Variants in C1GALT1 observed in about 807,000 individuals in gnomAD.
C1GALT1 encodes the protein core 1 synthase, glycoprotein-N-acetylgalactosamine 3-beta-galactosyltransferase 1.
Under a neutral mutation model 31.0 loss-of-function variants are expected in C1GALT1, and 11 were observed. The ratio of observed to expected loss-of-function variants is 0.36; its 90% CI spans 0.22 to 0.59. C1GALT1 has a LOEUF of 0.59. C1GALT1 is among the 20% of genes least tolerant of loss of function. C1GALT1 has a pLI of 0.79. For synonymous variants in C1GALT1, 175 were observed against 143.6 expected (o/e 1.22, Z -1.56); for missense variants, 424 against 425.2 (o/e 1.00, Z 0.03).
At chr7:7,243,106 T>C (rs775951466) in intron 3 of C1GALT1, among the ~76,000 whole-genome samples, 8 of 152,078 alleles carry the variant, frequency 5.3e-5, no homozygotes, top group African/African-American at 7.2e-5. Flanking sequence ...TTTGTAGTCA[T>C]TGAATGCCCT....
At chr7:7,208,804 G>A (rs964706935) in intron 1 of C1GALT1, among the ~76,000 whole-genome samples, 2 of 152,328 alleles carry the variant, frequency 1.3e-5, no homozygotes, top group East Asian at 1.9e-4. Context: ...CCACAAACAC[G>A]TGCACAGTTG....
chr7:7,216,436 C>T (rs77666843), intron 1 of C1GALT1, among the ~76,000 whole-genome samples: 6,215 of 152,108 alleles, frequency 0.041, 283 homozygotes, highest in African/African-American at 0.12. Context: ...TTAGCTTATC[C>T]GCCTTGTGTG....
chr7:7,241,424 C>T (rs7798513), intron 3 of C1GALT1, among the ~76,000 whole-genome samples: 32 of 152,046 alleles, frequency 2.1e-4, no homozygotes, highest in African/African-American at 7.5e-4. Flanking sequence ...TGTAGCTTTA[C>T]AGCAGTTTTA....
chr7:7,186,367 G>A (rs540529243), intron 1 of C1GALT1, among the ~76,000 whole-genome samples: 16 of 152,266 alleles, frequency 1.1e-4, no homozygotes, highest in African/African-American at 3.9e-4. Flanking sequence ...ACAGTGGATA[G>A]GCAAAAATCT....
At chr7:7,220,705 A>G (rs1426150189) in intron 1 of C1GALT1, among the ~76,000 whole-genome samples, 2 of 151,970 alleles carry the variant, frequency 1.3e-5, no homozygotes, top group Non-Finnish European at 2.9e-5. Context: ...TATTTTTAGT[A>G]GAGATGGGGT....
rs1301880765 is a variant in C1GALT1 at position 7,247,573 on chromosome 7, C to G, written c.*3846C>G. ...TTTCTTGAATATTAATTTTTCACTT[C>G]TTTGAGACTGTCAAACTATAGTTAC... On this transcript the variant is annotated 3_prime_UTR_variant, in exon 4 of 4. Coordinates refer to ENST00000436587, the MANE Select transcript of C1GALT1 (RefSeq NM_020156.5). The G allele has an allele frequency of 2.6e-5, 4 of 152,042 alleles. No homozygotes were observed. Among genetic ancestry groups the G allele is most frequent in the Non-Finnish European group, 5.9e-5 (4 of 67,916 alleles). The allele number at this position is 152,042 out of a possible 1,614,324, so 9.4% of individuals were successfully genotyped here. A position where few individuals can be genotyped will look rare whatever the true frequency, so the allele number is the denominator to read the frequency against.
At chr7:7,204,753 C>T (rs888210437) in intron 1 of C1GALT1, among the ~76,000 whole-genome samples, 2 of 152,016 alleles carry the variant, frequency 1.3e-5, no homozygotes, top group East Asian at 1.9e-4. Context: ...TTGTGTTTTT[C>T]GTTTGTCTCT....
chr7:7,205,978 A>G (rs145872772), intron 1 of C1GALT1, among the ~76,000 whole-genome samples: 291 of 152,142 alleles, frequency 1.9e-3, no homozygotes, highest in African/African-American at 6.7e-3. Context: ...TATTTCCTGC[A>G]TTACTGTCTC....
intron 1 of C1GALT1, among the ~76,000 whole-genome samples, chr7:7,194,722 T>C (rs1023264285): frequency 1.3e-5 from 2 of 152,168 alleles, no homozygotes; most frequent in Non-Finnish European, 2.9e-5. Context: ...TCTTTCTCTG[T>C]ATTGTGGGAT....
chr7:7,241,764 G>A (rs1468631628), intron 3 of C1GALT1, among the ~76,000 whole-genome samples: 1 of 151,842 alleles, frequency 6.6e-6, no homozygotes, highest in East Asian at 1.9e-4. Context: ...CTTCACTTGA[G>A]ATTCTTGAGT....
intron 1 of C1GALT1, chr7:7,183,634 C>T: frequency 1.0e-6 from 1 of 979,628 alleles, no homozygotes; most frequent in Non-Finnish European, 1.2e-6. Context: ...TAATTTAGCG[C>T]TGTGGATTTA....
At position 7,245,243 on chromosome 7, in the gene C1GALT1, T is replaced by C. The variant is rs994380754; in HGVS notation, c.*1516T>C. 2 of 152,248 alleles carry C rather than the reference T, an allele frequency of 1.3e-5. No individual in the cohort carries two copies. The highest frequency in any genetic ancestry group is 4.8e-5 in the African/African-American group (2 of 41,474). The allele number at this position is 152,248 out of a possible 1,614,324, so 9.4% of individuals were successfully genotyped here. On this transcript the variant is annotated 3_prime_UTR_variant, in exon 4 of 4. Coordinates refer to ENST00000436587, the MANE Select transcript of C1GALT1 (RefSeq NM_020156.5). ...CTAAGTAATTTCTTTTTTCGGAGAC[T>C]GTCTCACTCTGTCTCCCAGGCTGGA... is the stretch of plus-strand genomic sequence containing the variant.
intron 1 of C1GALT1, among the ~76,000 whole-genome samples, chr7:7,191,081 A>G (rs6972192): frequency 0.16 from 23,826 of 151,982 alleles, 2,172 homozygotes; most frequent in East Asian, 0.37. Flanking sequence ...ACCGCTGTTT[A>G]TCTCCAGAAC....
intron 2 of C1GALT1, among the ~76,000 whole-genome samples, chr7:7,167,192 C>G (rs932603697): frequency 1.3e-5 from 2 of 152,138 alleles, no homozygotes; most frequent in Non-Finnish European, 2.9e-5. Context: ...TTTTCAGATC[C>G]CTACTGGCTA....
chr7:7,217,719 G>A (rs1386548660), intron 1 of C1GALT1, among the ~76,000 whole-genome samples: 1 of 152,124 alleles, frequency 6.6e-6, no homozygotes, highest in African/African-American at 2.4e-5. Flanking sequence ...TGTTGCCCAG[G>A]CTGGAGTACA....
At chr7:7,217,265 A>G (rs1473304922) in intron 1 of C1GALT1, among the ~76,000 whole-genome samples, 2 of 152,152 alleles carry the variant, frequency 1.3e-5, no homozygotes, top group African/African-American at 4.8e-5. Context: ...GGCCAGAAAG[A>G]AGAAAGAAGG....
intron 1 of C1GALT1, among the ~76,000 whole-genome samples, chr7:7,233,494 A>G (rs916559625): frequency 6.6e-6 from 1 of 152,174 alleles, no homozygotes; most frequent in African/African-American, 2.4e-5. Context: ...GCTGGTCTCA[A>G]GCTCCTGACT....
chr7:7,197,564 T>G (rs1265930934), intron 1 of C1GALT1, among the ~76,000 whole-genome samples: 1 of 152,220 alleles, frequency 6.6e-6, no homozygotes, highest in East Asian at 1.9e-4. Context: ...AGTAGCTTTT[T>G]CCAATTCTGT....
chr7:7,197,067 T>G (rs1466582880), intron 1 of C1GALT1, among the ~76,000 whole-genome samples: 1 of 152,236 alleles, frequency 6.6e-6, no homozygotes, highest in Non-Finnish European at 1.5e-5. Context: ...TTTGTCTATT[T>G]TGGCTTCTGT....
Sources: gnomAD v4.1 joint callset for allele counts (sites outside exome capture counted in the v4.1 genomes callset) on GRCh38, gnomAD v4.1.1 for gene constraint, MANE v1.5 for transcripts, NCBI Gene and HGNC (gene_info 2026-07-23, HGNC 2026-07-21) for gene names.